Variants in ZCCHC10 observed in about 807,000 individuals in gnomAD.
ZCCHC10 encodes zinc finger CCHC-type containing 10.
ZCCHC10 carries 16 observed loss-of-function variants against 19.5 expected under a neutral mutation model. The observed-to-expected ratio is 0.82, with a 90% CI of 0.56 to 1.25. ZCCHC10 has a LOEUF of 1.25. Ranked by LOEUF, ZCCHC10 falls within the 50% of genes most tolerant of loss-of-function variation. ZCCHC10 has a pLI of 0.00. For missense variants in ZCCHC10, 197 were observed against 201.0 expected (o/e 0.98, Z 0.12); for synonymous variants, 67 against 72.5 (o/e 0.92, Z 0.38).
At chr5:133,012,845 T>C (rs1232325484) in intron 2 of ZCCHC10, among the ~76,000 whole-genome samples, 1 of 152,010 alleles carries the variant, frequency 6.6e-6, no homozygotes, top group African/African-American at 2.4e-5. Flanking sequence ...GGTCAGGAGA[T>C]GGAGACCATC....
At chr5:133,010,334 C>A (rs886752126) in intron 2 of ZCCHC10, among the ~76,000 whole-genome samples, 5 of 152,076 alleles carry the variant, frequency 3.3e-5, no homozygotes, top group African/African-American at 1.2e-4. Flanking sequence ...CAGGTGTGAG[C>A]CACCGTGCCC....
intron 2 of ZCCHC10, among the ~76,000 whole-genome samples, chr5:133,020,999 C>A (rs1764269440): frequency 6.6e-6 from 1 of 152,190 alleles, no homozygotes; most frequent in Non-Finnish European, 1.5e-5. Flanking sequence ...CGGCTTCACG[C>A]TATTCTCCTG....
chr5:133,007,058 T>C, intron 2 of ZCCHC10, 138 bp from the exon 3 acceptor site: 1 of 812,622 alleles, frequency 1.2e-6, no homozygotes. Flanking sequence ...TTTACCCTTG[T>C]GAGATTTAAT....
chr5:133,016,466 G>A (rs550797221), intron 2 of ZCCHC10, among the ~76,000 whole-genome samples: 405 of 151,940 alleles, frequency 2.7e-3, no homozygotes, highest in African/African-American at 8.6e-3. Context: ...ATTCTGAGAC[G>A]GAGTTTTGCG....
At chr5:133,019,301 C>T (rs977370943) in intron 2 of ZCCHC10, 1 of 199,616 alleles carries the variant, frequency 5.0e-6, no homozygotes, top group African/African-American at 2.4e-5. Flanking sequence ...ACAAATCACC[C>T]CTAAAAATAC....
intron 1 of ZCCHC10, 140 bp downstream of exon 1, chr5:133,026,357 C>T (rs1764711549): frequency 8.1e-7 from 1 of 1,237,874 alleles, no homozygotes; most frequent in Non-Finnish European, 1.1e-6. Flanking sequence ...ATCGCCCGGG[C>T]CCGAGCCCCC....
chr5:133,022,345 C>G (rs1764367978), intron 2 of ZCCHC10, among the ~76,000 whole-genome samples: 1 of 152,062 alleles, frequency 6.6e-6, no homozygotes, highest in African/African-American at 2.4e-5. Flanking sequence ...TTTTTTAGCT[C>G]CATTATAATC....
At chr5:133,004,786 G>A (rs1044629187) in intron 3 of ZCCHC10, among the ~76,000 whole-genome samples, 2 of 151,938 alleles carry the variant, frequency 1.3e-5, no homozygotes, top group East Asian at 1.9e-4. Flanking sequence ...CACCGTGCCC[G>A]GCTTAATTCT....
intron 2 of ZCCHC10, among the ~76,000 whole-genome samples, chr5:133,012,211 T>C (rs1047453668): frequency 2.7e-5 from 4 of 149,774 alleles, no homozygotes; most frequent in African/African-American, 7.4e-5. Context: ...CTCACGCCTG[T>C]AATCCCAGCA....
intron 1 of ZCCHC10, 111 bp downstream of exon 1, chr5:133,026,384 GTT>G: frequency 1.4e-6 from 2 of 1,453,216 alleles, no homozygotes; most frequent in Non-Finnish European, 9.5e-7. Flanking sequence ...CCAGAAGAGT[GTT>G]TGAGAAACGG....
chr5:133,019,157 G>C (rs1764122325), intron 2 of ZCCHC10: 1 of 436,684 alleles, frequency 2.3e-6, no homozygotes, highest in South Asian at 1.6e-5. Context: ...GCCAAGGCAG[G>C]ATCACCCGAG....
intron 3 of ZCCHC10, among the ~76,000 whole-genome samples, chr5:133,002,609 T>A (rs1762844929): frequency 6.6e-6 from 1 of 152,326 alleles, no homozygotes; most frequent in East Asian, 1.9e-4. Flanking sequence ...ATACTTGCAA[T>A]TCTAAGTTTT....
intron 2 of ZCCHC10, among the ~76,000 whole-genome samples, chr5:133,013,853 C>A (rs969958571): frequency 2.0e-5 from 3 of 151,664 alleles, no homozygotes; most frequent in African/African-American, 7.3e-5. Context: ...GATATGCTTA[C>A]TCTATGGCCC....
chr5:133,001,381 A>T (rs1318742807), intron 3 of ZCCHC10, among the ~76,000 whole-genome samples: 1 of 150,134 alleles, frequency 6.7e-6, no homozygotes, highest in Non-Finnish European at 1.5e-5. Flanking sequence ...ACAGAGCAAG[A>T]CTCTGTCTCA....
Position 133,007,177 on chromosome 5 carries a change from C to A in ZCCHC10, c.108-257G>T, listed in dbSNP as rs760180956. ...GAAACCTGGTGGGAGGTAACTTAAT[C>A]ATAGGGGCAAGTCTTTCCTGTGCTG... On this transcript the variant is annotated intron_variant, in intron 2 of 4. Coordinates refer to ENST00000509437, the MANE Select transcript of ZCCHC10 (RefSeq NM_001300816.3). Among the ~76,000 whole-genome samples the A allele has an allele frequency of 6.6e-5, 10 of 152,100 alleles. 1 individual carries two copies. The highest frequency in any genetic ancestry group is 2.1e-4 in the South Asian group (1 of 4,834).
chr5:133,008,853 A>C (rs73273073), intron 2 of ZCCHC10, among the ~76,000 whole-genome samples: 3,099 of 152,216 alleles, frequency 0.02, 112 homozygotes, highest in African/African-American at 0.071. Flanking sequence ...CTCTAAAAAA[A>C]ACTACAAAAA....
chr5:133,021,043 C>T (rs1561556611), intron 2 of ZCCHC10, among the ~76,000 whole-genome samples: 1 of 152,110 alleles, frequency 6.6e-6, no homozygotes, highest in Non-Finnish European at 1.5e-5. Flanking sequence ...ACTACAGGCA[C>T]CCGCCACCAT....
At position 133,007,240 on chromosome 5, in the gene ZCCHC10, G is replaced by T. The variant is rs565105393; in HGVS notation, c.108-320C>A. Among the ~76,000 whole-genome samples the T allele has an allele frequency of 2.6e-5, 4 of 152,134 alleles. No individual in the cohort carries two copies. The South Asian group carries it at 6.2e-4, about 24-fold the overall frequency. On this transcript the variant is annotated intron_variant, in intron 2 of 4. Coordinates refer to ENST00000509437, the MANE Select transcript of ZCCHC10 (RefSeq NM_001300816.3). The stretch of plus-strand genomic sequence containing the variant: ...TGAATAAATCTCACAAGATCTGATG[G>T]TTTTAAAAATAGGAGTTTCCGGCTG...
chr5:133,010,935 G>A (rs895202869), intron 2 of ZCCHC10, among the ~76,000 whole-genome samples: 4 of 149,724 alleles, frequency 2.7e-5, no homozygotes, highest in African/African-American at 9.7e-5. Flanking sequence ...GGGATTACAG[G>A]CGCCTGCCAC....
Sources: allele counts gnomAD v4.1 joint callset (sites outside exome capture counted in the v4.1 genomes callset), GRCh38; gene constraint gnomAD v4.1.1; transcripts MANE v1.5; gene names NCBI Gene and HGNC (gene_info 2026-07-23, HGNC 2026-07-21).